GRID2IP: variants seen among roughly 807,000 people sequenced by gnomAD.
GRID2IP encodes delphilin.
In GRID2IP, 78 loss-of-function variants were observed where a neutral mutation model predicts 114.3. That is an observed-to-expected ratio of 0.68 (90% confidence interval 0.57 to 0.82). The LOEUF (loss-of-function observed/expected upper bound fraction) is 0.82, where lower values mean the gene tolerates loss of function less well. GRID2IP is among the 40% of genes least tolerant of loss of function. The pLI is 0.00. For synonymous variants in GRID2IP, 809 were observed against 724.0 expected, an observed-to-expected ratio of 1.12 and a Z score of -1.89; for missense variants, 1,727 against 1,678.5, an observed-to-expected ratio of 1.03 and a Z score of -0.51.
In GRID2IP at chr7:6,519,719, T is replaced by A. The variant is rs1779377658; in HGVS notation, c.1268+859A>T. Among the ~76,000 whole-genome samples, 2 of 151,874 alleles carry A rather than the reference T, an allele frequency of 1.3e-5. No homozygotes were observed. Among genetic ancestry groups the A allele is most frequent in the Non-Finnish European group, 2.9e-5 (2 of 67,994 alleles). On this transcript the variant is annotated intron_variant, in intron 7 of 21. Transcript: ENST00000457091. This position sits in a 1 kb window ranked among gnomAD's most constrained non-coding sequence, Gnocchi z 4.1. ...TTGCGGTGAGCCGAGATCGCACCAC[T>A]GCACTCCAGCCTGGGCAACGAGAGT...
intron 1 of GRID2IP, among the ~76,000 whole-genome samples, chr7:6,544,176 G>A (rs1264276017): frequency 6.6e-6 from 1 of 152,184 alleles, no homozygotes; most frequent in Non-Finnish European, 1.5e-5. Context: ...TTAGGTGTGT[G>A]AAGTCAGGCT....
rs1003837078 is a variant in GRID2IP at position 6,503,566 on chromosome 7, G to T, written c.2832C>A (p.Ala944=). 100 of 1,528,830 alleles carry T rather than the reference G, an allele frequency of 6.5e-5. 1 individual carries two copies. Among genetic ancestry groups the T allele is most frequent in the Admixed American group, 5.1e-4 (26 of 50,690 alleles). The allele number at this position is 1,528,830 out of a possible 1,614,324, so 94.7% of individuals were successfully genotyped here. Residue 944 remains alanine, a synonymous_variant, in exon 16 of 22, where the codon GCC becomes GCA. Coordinates refer to ENST00000457091, the MANE Select transcript of GRID2IP (RefSeq NM_001145118.2). ...LAQLLLFAPD[A]DEEQRYQAFR... ...AGGCCTGGTAGCGCTGCTCCTCGTC[G>T]GCGTCGGGCGCGAAGAGCAGCAGCT... is the stretch of plus-strand genomic sequence containing the variant.
rs1229485696 is a variant in GRID2IP, at chr7:6,539,744, G to C, written c.558C>G (p.Ala186=). The C allele has an allele frequency of 6.5e-7, 1 of 1,549,682 alleles. No homozygotes were observed. The highest frequency in any genetic ancestry group is 8.7e-7 in the Non-Finnish European group (1 of 1,146,808). Residue 186 remains alanine (A), a synonymous_variant, in exon 2 of 22, where the codon GCC becomes GCG. Transcript: ENST00000457091. Reference sequence around the variant, plus strand: ...TGAGGTTGTCCAGGAGTGGCCCGCAGGCCTCTCGGGGCAGCGCCAGGGTGA... The same window carrying C: ...TGAGGTTGTCCAGGAGTGGCCCGCACGCCTCTCGGGGCAGCGCCAGGGTGA... The part of the protein sequence containing the change: ...WTLTLALPRE[A]CGPLLDNLRI...
At chr7:6,500,258 T>C (rs1169532371) in intron 20 of GRID2IP, among the ~76,000 whole-genome samples, 1 of 151,704 alleles carries the variant, frequency 6.6e-6, no homozygotes, top group African/African-American at 2.4e-5. Context: ...GGTCAGGAGT[T>C]TGAGACCAGC....
Position 6,520,679 on chromosome 7 carries a change from G to A in GRID2IP, c.1167C>T (p.Ile389=). 1 of 1,551,724 alleles carries A rather than the reference G, an allele frequency of 6.4e-7. No homozygotes were observed. The highest frequency in any genetic ancestry group is 1.2e-5 in the South Asian group (1 of 84,066). The change falls in exon 7 of 22, where the codon ATC becomes ATT. Residue 389 remains isoleucine, a synonymous_variant. Transcript: ENST00000457091. This position sits in a 1 kb window ranked among gnomAD's most constrained non-coding sequence, Gnocchi z 4.6. ...QWVAEILPSS[I]RVQGRTFSQQ... is the part of the protein sequence containing the mutation. ...GGCTGAAGGTCCTCCCTTGGACCCG[G>A]ATGCTGGACGGCAGGATCTCCGCCA...
At position 6,503,039 on chromosome 7, in the gene GRID2IP, T is replaced by C. The variant is rs998411612; in HGVS notation, c.3032A>G (p.Lys1011Arg). ...ECLRQASLEL[K>R]NSRKLAKILE... ...GATCTTGGCGAGCTTCCGACTGTTT[T>C]TGAGCTCCAGGGAGGCCTGGCGCAA... The change falls in exon 17 of 22, where the codon AAA (lysine) becomes AGA (arginine). Residue 1011 changes from lysine to arginine, a missense_variant. Transcript: ENST00000457091. The C allele has an allele frequency of 8.4e-6, 13 of 1,551,526 alleles. No individual in the cohort carries two copies. The highest frequency in any genetic ancestry group is 4.8e-5 in the South Asian group (4 of 84,060).
intron 8 of GRID2IP, among the ~76,000 whole-genome samples, chr7:6,512,231 C>CTTCT (rs1157560127): frequency 2.2e-5 from 2 of 90,196 alleles, no homozygotes; most frequent in African/African-American, 9.2e-5. Context: ...TTCTTTTCTT[C>CTTCT]TTTTTTTTTT....
At chr7:6,540,105 T>G (rs1050682774) in intron 1 of GRID2IP, among the ~76,000 whole-genome samples, 1 of 28,092 alleles carries the variant, frequency 3.6e-5, no homozygotes, top group Non-Finnish European at 7.6e-5. Context: ...TCCCCTCCCC[T>G]CCCCTCCCTT....
intron 2 of GRID2IP, among the ~76,000 whole-genome samples, chr7:6,533,954 T>C (rs778845807): frequency 3.3e-5 from 5 of 152,060 alleles, no homozygotes; most frequent in Non-Finnish European, 7.4e-5. Flanking sequence ...CCAGTCCCAA[T>C]AACTCTATAT....
At chr7:6,540,861 T>C (rs1330080613) in intron 1 of GRID2IP, among the ~76,000 whole-genome samples, 1 of 151,500 alleles carries the variant, frequency 6.6e-6, no homozygotes, top group African/African-American at 2.4e-5. Context: ...TTGAGAGGTA[T>C]CATCTCACTC....
chr7:6,540,585 A>G (rs1394855107), intron 1 of GRID2IP, among the ~76,000 whole-genome samples: 3 of 150,380 alleles, frequency 2.0e-5, no homozygotes, highest in East Asian at 2.0e-4. Context: ...CGGTGGCTCA[A>G]TCTTGATTCA....
At chr7:6,500,640 T>G (rs569506669) in intron 20 of GRID2IP, among the ~76,000 whole-genome samples, 60 of 152,364 alleles carry the variant, frequency 3.9e-4, no homozygotes, top group African/African-American at 1.4e-3. Context: ...AGGCCCCATG[T>G]GCTGCAGTCA....
rs992954756 is a variant in GRID2IP, at chr7:6,540,171, G to A, written c.430-299C>T. On this transcript the variant is annotated intron_variant, in intron 1 of 21. Transcript: ENST00000457091. ...GTTTGTTACCAGGCTGCAGTGCAGT[G>A]GTGCAATCTTGGCACACTAGAACCT... Among the ~76,000 whole-genome samples the A allele has an allele frequency of 9.7e-5, 14 of 144,956 alleles. No individual in the cohort carries two copies. The Admixed American group carries it at 9.9e-4, about 10-fold the overall frequency.
In GRID2IP at chr7:6,551,407, G is replaced by A. The variant is rs1457988435; in HGVS notation, c.30C>T (p.Asn10=). The change falls in exon 1 of 22, where the codon AAC becomes AAT. Residue 10 remains asparagine (N), a synonymous_variant. Transcript: ENST00000457091. ...AGCCAAAGTCCTCTGGCCAGCCCTG[G>A]TTCGTGGCCGGCGTGGCAGTGGTGG... MATTATPAT[N]QGWPEDFGFR... The A allele has an allele frequency of 1.3e-6, 2 of 1,547,252 alleles. No homozygotes were observed. The highest frequency in any genetic ancestry group is 1.7e-6 in the Non-Finnish European group (2 of 1,145,414).
rs1779558381 is a variant in GRID2IP, at chr7:6,528,497, G to T, written c.585-1728C>A. 6.6e-6 allele frequency among the ~76,000 whole-genome samples: 1 copy of T among 152,188 alleles called. No homozygotes were observed. Among genetic ancestry groups the T allele is most frequent in the Non-Finnish European group, 1.5e-5 (1 of 68,032 alleles). On this transcript the variant is annotated intron_variant, in intron 2 of 21. Coordinates refer to ENST00000457091, the MANE Select transcript of GRID2IP (RefSeq NM_001145118.2). The surrounding 1 kb of genome is among the most constrained non-coding windows in gnomAD (Gnocchi z 6.0). ...GGACCTCTAACAAGAGCCCCTGAAG[G>T]TCTGGTTGCCTGTGAGGTCTCCCTG...
chr7:6,498,028 T>C, intron 21 of GRID2IP, 36 bp downstream of exon 21: 1 of 1,509,634 alleles, frequency 6.6e-7, no homozygotes, highest in Non-Finnish European at 8.9e-7. Flanking sequence ...CCCCCACCTC[T>C]CCAAAAGGGC....
chr7:6,526,532 C>T lies in GRID2IP; in HGVS notation c.822G>A (p.Gly274=). 8.1e-7 allele frequency: 1 copy of T among 1,233,862 alleles called. No individual in the cohort carries two copies. The highest frequency in any genetic ancestry group is 3.3e-5 in the East Asian group (1 of 30,744). The allele number at this position is 1,233,862 out of a possible 1,614,324, so 76.4% of individuals were successfully genotyped here. ...TGAGCCCCGCGTACCTGCGCGCGCCCCCGGGGCCGGCGAGGCCGCCCACCA... is the reference window on the plus strand; with the variant it reads ...TGAGCCCCGCGTACCTGCGCGCGCCTCCGGGGCCGGCGAGGCCGCCCACCA... ...SLLVGGLAGP[G]GARRTVRVYK... The change falls in exon 3 of 22, where the codon GGG becomes GGA. Residue 274 remains glycine (G), a synonymous_variant. Coordinates refer to ENST00000457091, the MANE Select transcript of GRID2IP (RefSeq NM_001145118.2). The surrounding 1 kb of genome is among the most constrained non-coding windows in gnomAD (Gnocchi z 7.6).
At position 6,498,216 on chromosome 7, in the gene GRID2IP, T is replaced by C. The variant is rs961674361; in HGVS notation, c.3412A>G (p.Thr1138Ala). The C allele has an allele frequency of 1.3e-6, 2 of 1,544,254 alleles. No individual in the cohort carries two copies. The highest frequency in any genetic ancestry group is 1.4e-5 in the African/African-American group (1 of 72,592). The change falls in exon 21 of 22, where the codon ACG (threonine) becomes GCG (alanine). Residue 1138 changes from threonine (T) to alanine (A), a missense_variant. Coordinates refer to ENST00000457091, the MANE Select transcript of GRID2IP (RefSeq NM_001145118.2). ...FAMVMSSFLE[T>A]AQPALRALDG... ...AGCGCCCGAAGTGCTGGCTGGGCCG[T>C]CTCCAGGAAGGACTGACAGGCCTCA...
intron 1 of GRID2IP, among the ~76,000 whole-genome samples, chr7:6,543,373 G>A (rs1285629052): frequency 1.3e-5 from 2 of 151,004 alleles, no homozygotes; most frequent in African/African-American, 4.9e-5. Context: ...CTCCAGCCTG[G>A]TGACAGAGCG....
Sources: allele counts gnomAD v4.1 joint callset (sites outside exome capture counted in the v4.1 genomes callset), GRCh38; gene constraint gnomAD v4.1.1; non-coding constraint Gnocchi (gnomAD v3.1); transcripts MANE v1.5; gene names NCBI Gene and HGNC (gene_info 2026-07-23, HGNC 2026-07-21).